The following YEATS2 variants were observed in gnomAD, a reference collection of about 807,000 sequenced individuals.
YEATS2 encodes the protein YEATS domain-containing protein 2.
A neutral mutation model predicts 163.2 loss-of-function variants in YEATS2; 77 were observed. That is an observed-to-expected ratio of 0.47 (90% CI 0.39 to 0.57). YEATS2 has a LOEUF of 0.57. YEATS2 is among the 20% of genes least tolerant of loss of function. YEATS2 has a pLI of 0.00. For missense variants in YEATS2, 1,549 were observed against 1,729.8 expected, an observed-to-expected ratio of 0.90 and a Z score of 1.85; for synonymous variants, 631 against 645.1, an observed-to-expected ratio of 0.98 and a Z score of 0.33.
chr3:183,747,490 T>A (rs569768934), intron 8 of YEATS2, among the ~76,000 whole-genome samples, 182 bp from the exon 9 acceptor site: 139 of 152,238 alleles, frequency 9.1e-4, no homozygotes, highest in African/African-American at 3.3e-3. Context: ...ACTATATGTC[T>A]GAGGTTTTTA....
intron 15 of YEATS2, among the ~76,000 whole-genome samples, chr3:183,766,770 A>G (rs1721947916): frequency 6.6e-6 from 1 of 152,120 alleles, no homozygotes. Context: ...CCTGGGCTCC[A>G]GCAATCCCAC....
intron 15 of YEATS2, among the ~76,000 whole-genome samples, chr3:183,766,133 G>A (rs1375287538): frequency 6.6e-6 from 1 of 152,186 alleles, no homozygotes; most frequent in African/African-American, 2.4e-5. Flanking sequence ...AGGAAGCAGT[G>A]TGTTAAAGTA....
chr3:183,732,444 CTCTG>C (rs1717890834), intron 7 of YEATS2, among the ~76,000 whole-genome samples: 2 of 150,010 alleles, frequency 1.3e-5, no homozygotes, highest in South Asian at 4.2e-4. Flanking sequence ...CAGAGCAAGA[CTCTG>C]TCTCAAAATA....
At chr3:183,781,098 A>C (rs561874703) in intron 19 of YEATS2, among the ~76,000 whole-genome samples, 2 of 152,346 alleles carry the variant, frequency 1.3e-5, no homozygotes, top group South Asian at 4.1e-4. Flanking sequence ...CTCCAGAGAA[A>C]CAGAACAAAT....
chr3:183,780,831 C>T (rs1362695701), intron 19 of YEATS2, among the ~76,000 whole-genome samples: 2 of 152,138 alleles, frequency 1.3e-5, no homozygotes, highest in African/African-American at 2.4e-5. Flanking sequence ...ATCATTGAGA[C>T]ACAGAATACA....
At chr3:183,803,465 A>AT in intron 26 of YEATS2, 130 bp downstream of exon 26, 1 of 958,560 alleles carries the variant, frequency 1.0e-6, no homozygotes, top group South Asian at 1.7e-5. Flanking sequence ...AAAAAATCTC[A>AT]TTTTTCAAAG....
intron 18 of YEATS2, 110 bp downstream of exon 18, chr3:183,776,233 C>A: frequency 9.1e-7 from 1 of 1,103,030 alleles, no homozygotes; most frequent in Non-Finnish European, 1.3e-6. Flanking sequence ...ATACTAACAC[C>A]TTAACCGTGT....
At chr3:183,807,167 A>G in intron 28 of YEATS2, 75 bp downstream of exon 28, 2 of 1,325,908 alleles carry the variant, frequency 1.5e-6, no homozygotes, top group Non-Finnish European at 2.1e-6. Flanking sequence ...AGCTTCACAG[A>G]CCCAGACCCA....
chr3:183,775,509 C>T (rs532164015), intron 17 of YEATS2, among the ~76,000 whole-genome samples: 12 of 152,290 alleles, frequency 7.9e-5, no homozygotes, highest in African/African-American at 2.6e-4. Context: ...GCAGGAGAAT[C>T]GCTTGAACCC....
intron 1 of YEATS2, among the ~76,000 whole-genome samples, chr3:183,714,378 A>C (rs769385330): frequency 1.3e-5 from 2 of 148,832 alleles, no homozygotes; most frequent in Non-Finnish European, 3.0e-5. Context: ...TTGTATTTTT[A>C]GTAGAGACGG....
chr3:183,714,297 G>A (rs1328953785), intron 1 of YEATS2, among the ~76,000 whole-genome samples: 3 of 150,084 alleles, frequency 2.0e-5, no homozygotes, highest in Admixed American at 6.7e-5. Flanking sequence ...CTGGGTTCAC[G>A]CCATTTTCCT....
intron 25 of YEATS2, chr3:183,802,411 G>C (rs1725744753): frequency 6.5e-6 from 1 of 152,752 alleles, no homozygotes; most frequent in African/African-American, 2.4e-5. Context: ...TCATTTTGAT[G>C]TCTCTCAGAG....
intron 5 of YEATS2, among the ~76,000 whole-genome samples, chr3:183,722,683 C>G (rs895321219): frequency 6.8e-6 from 1 of 147,992 alleles, no homozygotes; most frequent in African/African-American, 2.5e-5. Context: ...GACGGAGTCT[C>G]GCTTTATCAC....
At chr3:183,769,931 C>T (rs905158802) in intron 15 of YEATS2, among the ~76,000 whole-genome samples, 1 of 151,650 alleles carries the variant, frequency 6.6e-6, no homozygotes, top group East Asian at 2.0e-4. Context: ...GTGATCCGCC[C>T]GCCTCAGCCT....
chr3:183,806,944 C>A lies in YEATS2; in HGVS notation c.3863C>A (p.Pro1288His), dbSNP rs1291626872. 1 of 1,614,064 alleles carries A rather than the reference C, an allele frequency of 6.2e-7. No individual in the cohort carries two copies. Among genetic ancestry groups the A allele is most frequent in the East Asian group, 2.2e-5 (1 of 44,882 alleles). Residue 1288 changes from proline (P) to histidine (H), a missense_variant, in exon 28 of 31, where the codon CCC (proline) becomes CAC (histidine). By Grantham distance (77) the Pro-to-His change is moderately conservative. Coordinates refer to ENST00000305135, the MANE Select transcript of YEATS2 (RefSeq NM_018023.5). ...EDLQQFQKRE[P>H]ENEEEVDILS... ...CTGCAACAGTTCCAGAAAAGGGAAC[C>A]CGAGAATGAGGAGGAGGTGGACATC...
intron 15 of YEATS2, among the ~76,000 whole-genome samples, chr3:183,767,119 C>G (rs1721983420): frequency 6.6e-6 from 1 of 152,150 alleles, no homozygotes; most frequent in Admixed American, 6.5e-5. Flanking sequence ...TCCTGTTTTC[C>G]AGAAGGAAGG....
chr3:183,757,427 A>C (rs1407662665), intron 12 of YEATS2, among the ~76,000 whole-genome samples: 1 of 152,036 alleles, frequency 6.6e-6, no homozygotes, highest in African/African-American at 2.4e-5. Context: ...TGTAGCTGGA[A>C]TTACAGGCGT....
chr3:183,807,956 G>T, intron 28 of YEATS2, 74 bp from the exon 29 acceptor site: 1 of 1,254,298 alleles, frequency 8.0e-7, no homozygotes, highest in South Asian at 1.3e-5. Flanking sequence ...GCATGTCAGG[G>T]AGGTATGCTT....
At chr3:183,703,813 A>C (rs898307493) in intron 1 of YEATS2, among the ~76,000 whole-genome samples, 5 of 152,194 alleles carry the variant, frequency 3.3e-5, no homozygotes, top group Admixed American at 3.3e-4. Flanking sequence ...TCAAAATAGA[A>C]TTCAGGAAAT....
Sources: allele counts gnomAD v4.1 joint callset (sites outside exome capture counted in the v4.1 genomes callset), GRCh38; gene constraint gnomAD v4.1.1; transcripts MANE v1.5; gene names NCBI Gene and HGNC (gene_info 2026-07-23, HGNC 2026-07-21).